The following CDH13 variants were observed in gnomAD, a reference collection of about 807,000 sequenced individuals.
The protein encoded by CDH13 is cadherin-13.
A neutral mutation model predicts 63.8 loss-of-function variants in CDH13; 24 were observed. The observed-to-expected ratio is 0.38, with a 90% confidence interval of 0.27 to 0.53. The LOEUF is 0.53. CDH13 is among the 20% of genes least tolerant of loss of function. The pLI is 0.85. For missense variants in CDH13, 1,049 were observed against 903.1 expected (o/e 1.16, Z -2.07); for synonymous variants, 503 against 355.3 (o/e 1.42, Z -4.67).
chr16:82,674,589 A>G (rs1913679551), intron 1 of CDH13, among the ~76,000 whole-genome samples: 1 of 152,226 alleles, frequency 6.6e-6, no homozygotes, highest in Non-Finnish European at 1.5e-5. Flanking sequence ...TGGATCAGGT[A>G]CGTGAAACCA....
chr16:83,180,334 AT>A (rs140110529), intron 4 of CDH13, among the ~76,000 whole-genome samples: 8,403 of 150,220 alleles, frequency 0.056, 359 homozygotes, highest in Non-Finnish European at 0.085. Context: ...CGATGGATGT[AT>A]TTTTTTTTTC....
chr16:83,381,275 C>G (rs1211218131), intron 6 of CDH13, among the ~76,000 whole-genome samples: 2 of 152,098 alleles, frequency 1.3e-5, no homozygotes, highest in Non-Finnish European at 2.9e-5. Context: ...CCACCAGTTC[C>G]TAACTGCCTG....
At chr16:83,759,517 C>T (rs1424048637) in intron 11 of CDH13, among the ~76,000 whole-genome samples, 1 of 135,344 alleles carries the variant, frequency 7.4e-6, no homozygotes, top group Non-Finnish European at 1.5e-5. Context: ...AAAGTACTAA[C>T]CACAAAAGAA....
intron 2 of CDH13, among the ~76,000 whole-genome samples, chr16:82,929,101 A>C: frequency 6.6e-6 from 1 of 152,214 alleles, no homozygotes; most frequent in East Asian, 1.9e-4. Context: ...ACCTTTAAAA[A>C]ATATGCTATC....
chr16:82,933,382 A>G (rs1297950823), intron 2 of CDH13, among the ~76,000 whole-genome samples: 1 of 152,152 alleles, frequency 6.6e-6, no homozygotes, highest in Non-Finnish European at 1.5e-5. Flanking sequence ...CAGCATGGGG[A>G]GACTGCCCTC....
At chr16:83,527,791 T>C (rs2074998217) in intron 7 of CDH13, among the ~76,000 whole-genome samples, 1 of 152,236 alleles carries the variant, frequency 6.6e-6, no homozygotes, top group Admixed American at 6.5e-5. Flanking sequence ...ATTTGGGTGA[T>C]AATGGCACTC....
chr16:82,662,909 A>G (rs1912133376), intron 1 of CDH13, among the ~76,000 whole-genome samples: 1 of 152,182 alleles, frequency 6.6e-6, no homozygotes, highest in Non-Finnish European at 1.5e-5. Flanking sequence ...TTACCCACTG[A>G]AACAGCAAAG....
chr16:83,174,005 C>G (rs987435962), intron 4 of CDH13, among the ~76,000 whole-genome samples: 2 of 152,054 alleles, frequency 1.3e-5, no homozygotes, highest in African/African-American at 4.8e-5. Context: ...AATAACAATC[C>G]TCCTCCAGTT....
intron 5 of CDH13, among the ~76,000 whole-genome samples, chr16:83,314,243 T>C (rs1223212548): frequency 3.3e-5 from 5 of 152,218 alleles, no homozygotes; most frequent in African/African-American, 1.2e-4. Context: ...TCTTCTTTTT[T>C]AACCAACTAT....
intron 6 of CDH13, among the ~76,000 whole-genome samples, chr16:83,389,860 C>T (rs1335760568): frequency 1.3e-5 from 2 of 152,280 alleles, no homozygotes; most frequent in African/African-American, 4.8e-5. Flanking sequence ...CTTAAATCTA[C>T]GAAGAACATT....
chr16:82,992,191 C>T (rs1436522981), intron 2 of CDH13, among the ~76,000 whole-genome samples: 1 of 152,130 alleles, frequency 6.6e-6, no homozygotes, highest in Non-Finnish European at 1.5e-5. Context: ...CTAGTCCAGC[C>T]TCTGTTGTGA....
chr16:82,839,317 G>C (rs909811780), intron 1 of CDH13, among the ~76,000 whole-genome samples: 1 of 152,144 alleles, frequency 6.6e-6, no homozygotes, highest in Non-Finnish European at 1.5e-5. Flanking sequence ...ATTATTACTG[G>C]CATGTTGCTT....
chr16:82,966,276 G>A (rs1438750477), intron 2 of CDH13, among the ~76,000 whole-genome samples: 4 of 152,046 alleles, frequency 2.6e-5, no homozygotes, highest in African/African-American at 4.8e-5. Context: ...AGCCTCCCGA[G>A]TAGCTGGGAC....
intron 10 of CDH13, among the ~76,000 whole-genome samples, chr16:83,697,615 A>T (rs1905576816): frequency 6.6e-6 from 1 of 152,218 alleles, no homozygotes; most frequent in Non-Finnish European, 1.5e-5. Flanking sequence ...TGTTGTGACC[A>T]GAGGCTTGAG....
At chr16:83,240,356 T>C (rs377687005) in intron 5 of CDH13, among the ~76,000 whole-genome samples, 6 of 152,246 alleles carry the variant, frequency 3.9e-5, no homozygotes, top group African/African-American at 1.4e-4. Flanking sequence ...CTGAAGGTTT[T>C]GGACAGAGGC....
chr16:83,562,749 G>C (rs1013437946), intron 7 of CDH13, among the ~76,000 whole-genome samples: 5 of 152,214 alleles, frequency 3.3e-5, no homozygotes, highest in Non-Finnish European at 7.3e-5. Context: ...AACAAAAGTC[G>C]TCTTGAAGGG....
chr16:83,505,624 A>G (rs1040486029), intron 7 of CDH13, among the ~76,000 whole-genome samples: 30 of 143,234 alleles, frequency 2.1e-4, no homozygotes, highest in African/African-American at 7.2e-4. Context: ...GCTCGCCACA[A>G]TCTCCACCTC....
At position 82,849,979 on chromosome 16, in the gene CDH13, A is replaced by G. The variant is rs547460847; in HGVS notation, c.46-8383A>G. On this transcript the variant is annotated intron_variant, in intron 1 of 13. Coordinates refer to ENST00000567109, the MANE Select transcript of CDH13 (RefSeq NM_001257.5). The stretch of plus-strand genomic sequence containing the variant: ...CATTGACAATGTACCTGGACATCCA[A>G]AAGTTTTAATGGAGGTATATAAGGA... Among the ~76,000 whole-genome samples the G allele has an allele frequency of 3.9e-5, 6 of 152,370 alleles. No individual in the cohort carries two copies. In the South Asian group the frequency reaches 1.0e-3, roughly 26 times the overall value.
chr16:82,753,313 C>A (rs1321105977), intron 1 of CDH13, among the ~76,000 whole-genome samples: 2 of 152,190 alleles, frequency 1.3e-5, no homozygotes, highest in Non-Finnish European at 2.9e-5. Flanking sequence ...ATCTCAAAAA[C>A]AATATGCATA....
Sources: allele counts gnomAD v4.1 joint callset (sites outside exome capture counted in the v4.1 genomes callset), GRCh38; gene constraint gnomAD v4.1.1; transcripts MANE v1.5; gene names NCBI Gene and HGNC (gene_info 2026-07-23, HGNC 2026-07-21).